CFAP99: variants seen among roughly 807,000 people sequenced by gnomAD.
CFAP99 encodes cilia and flagella associated protein 99.
A neutral mutation model predicts 82.7 loss-of-function variants in CFAP99; 84 were observed. That is an observed-to-expected ratio of 1.02 (90% CI 0.85 to 1.22). CFAP99 has a LOEUF of 1.22. CFAP99 is among the 50% of genes most tolerant of loss of function. The probability of loss-of-function intolerance (pLI) is 0.00; values close to 1 mark genes in which losing one functional copy is unlikely to be tolerated. For synonymous variants in CFAP99, 456 were observed against 429.5 expected, an observed-to-expected ratio of 1.06 and a Z score of -0.76; for missense variants, 1,059 against 983.5, an observed-to-expected ratio of 1.08 and a Z score of -1.03.
chr4:2,462,504 C>A lies in CFAP99; in HGVS notation c.1723C>A (p.Gln575Lys), dbSNP rs1734645332. 4.7e-6 allele frequency: 7 copies of A among 1,478,052 alleles called. No homozygotes were observed. The South Asian group carries it at 5.1e-5, about 11-fold the overall frequency. The allele number at this position is 1,478,052 out of a possible 1,614,324, so 91.6% of individuals were successfully genotyped here. A position where few individuals can be genotyped will look rare whatever the true frequency, so the allele number is the denominator to read the frequency against. ...GGCGCCCTCGCAGGACGAGCGCGTG[C>A]AGCAGCTGCGGCGCAGGATCTCGGA... Residue 575 changes from glutamine to lysine, a missense_variant, in exon 15 of 15, where the codon CAG (glutamine) becomes AAG (lysine). Coordinates refer to ENST00000635017, the Ensembl canonical transcript of CFAP99. The surrounding 1 kb of genome is among the most constrained non-coding windows in gnomAD (Gnocchi z 4.1).
At chr4:2,436,185 T>C (rs1173915340) in intron 2 of CFAP99, among the ~76,000 whole-genome samples, 1 of 152,098 alleles carries the variant, frequency 6.6e-6, no homozygotes, top group Non-Finnish European at 1.5e-5. Flanking sequence ...AGATTCCTTC[T>C]GCTTTGTGAG....
At chr4:2,452,788 C>G (rs1194997716) in intron 11 of CFAP99, among the ~76,000 whole-genome samples, 1 of 152,206 alleles carries the variant, frequency 6.6e-6, no homozygotes, top group African/African-American at 2.4e-5. Flanking sequence ...CCAGGCCAGG[C>G]ATGGTGGCTC....
At chr4:2,450,205 G>A (rs1234960656) in intron 8 of CFAP99, 200 bp downstream of exon 8, 14 of 605,048 alleles carry the variant, frequency 2.3e-5, no homozygotes, top group Non-Finnish European at 3.8e-5. Flanking sequence ...GGGTGTAGAC[G>A]CGCACCCACA....
At chr4:2,443,378 C>G (rs1183163368) in intron 5 of CFAP99, 136 bp downstream of exon 5, 2 of 638,836 alleles carry the variant, frequency 3.1e-6, no homozygotes, top group Non-Finnish European at 5.7e-6. Context: ...ACTCCGTGTT[C>G]GGATGAGATC....
intron 1 of CFAP99, among the ~76,000 whole-genome samples, chr4:2,425,130 T>G (rs529120222): frequency 6.6e-6 from 1 of 152,382 alleles, no homozygotes; most frequent in African/African-American, 2.4e-5. Context: ...GCCCTCTCTT[T>G]TTCTCCAGCC....
chr4:2,456,505 C>T (rs909638157), intron 11 of CFAP99, among the ~76,000 whole-genome samples: 4 of 152,052 alleles, frequency 2.6e-5, no homozygotes, highest in Non-Finnish European at 4.4e-5. Context: ...AGTGAGACCC[C>T]GCGTCTACAA....
In CFAP99 at chr4:2,446,374, A is replaced by G. The variant is rs1205348447; in HGVS notation, c.642+1066A>G. On this transcript the variant is annotated intron_variant, in intron 6 of 14. Transcript: ENST00000635017. The surrounding 1 kb of genome is among the most constrained non-coding windows in gnomAD (Gnocchi z 5.0). ...ATTTCATTTTATTATTGTTGTTATTATTATTATTATTATTATTATTATTAT... is the reference window on the plus strand; with the variant it reads ...ATTTCATTTTATTATTGTTGTTATTGTTATTATTATTATTATTATTATTAT... Among the ~76,000 whole-genome samples the G allele has an allele frequency of 6.7e-3, 43 of 6,404 alleles. 1 individual carries two copies. Among genetic ancestry groups the G allele is most frequent in the Middle Eastern group, 0.062 (1 of 16 alleles). 4.2% of individuals were successfully genotyped at this position (6,404 alleles called of 152,430 possible). A position where few individuals can be genotyped will look rare whatever the true frequency, so the allele number is the denominator to read the frequency against.
At chr4:2,456,032 T>C (rs1222154549) in intron 11 of CFAP99, among the ~76,000 whole-genome samples, 1 of 152,130 alleles carries the variant, frequency 6.6e-6, no homozygotes, top group African/African-American at 2.4e-5. Flanking sequence ...AAGCATCTTT[T>C]CCATTGAGAG....
chr4:2,442,504 G>A (rs1300641201), intron 4 of CFAP99, among the ~76,000 whole-genome samples: 11 of 152,134 alleles, frequency 7.2e-5, no homozygotes, highest in South Asian at 4.1e-4. Context: ...CTGCCTGGCC[G>A]GCACACAGAA....
intron 5 of CFAP99, among the ~76,000 whole-genome samples, 180 bp downstream of exon 5, chr4:2,443,422 CAGCCTCGCGGGG>C (rs1734096589): frequency 6.6e-6 from 1 of 152,240 alleles, no homozygotes; most frequent in South Asian, 2.1e-4. Context: ...GCTGGCCCCA[CAGCCTCGCGGGG>C]AGGAAAAGAC....
intron 2 of CFAP99, among the ~76,000 whole-genome samples, chr4:2,429,969 C>G (rs543305188): frequency 6.6e-6 from 1 of 152,250 alleles, no homozygotes. Flanking sequence ...GGACAACTCG[C>G]TTTCCTCTCC....
In CFAP99 at chr4:2,456,607, C is replaced by T. The variant is rs142461312; in HGVS notation, c.1162-2116C>T. 8.8e-3 allele frequency among the ~76,000 whole-genome samples: 1,347 copies of T among 152,306 alleles called. 24 individuals are homozygous for T. Among genetic ancestry groups the T allele is most frequent in the African/African-American group, 0.031 (1,304 of 41,552 alleles). On this transcript the variant is annotated intron_variant, in intron 11 of 14. Coordinates refer to ENST00000635017, the Ensembl canonical transcript of CFAP99. ...CGATCTCGGCTCACCACAACCTCTG[C>T]CTCCTGGGGTCAAGCTATTCTACTG...
intron 4 of CFAP99, among the ~76,000 whole-genome samples, chr4:2,440,542 A>C (rs1001594562): frequency 2.6e-5 from 4 of 151,904 alleles, no homozygotes. Flanking sequence ...GCTTGAGCCC[A>C]GGAGATCAAG....
intron 2 of CFAP99, among the ~76,000 whole-genome samples, chr4:2,430,523 C>T (rs897597789): frequency 3.4e-5 from 5 of 148,316 alleles, no homozygotes; most frequent in Admixed American, 6.7e-5. Context: ...CGGCAGACTC[C>T]GGACAGCGGA....
At chr4:2,441,094 A>T (rs1327369018) in intron 4 of CFAP99, among the ~76,000 whole-genome samples, 2 of 150,176 alleles carry the variant, frequency 1.3e-5, no homozygotes, top group African/African-American at 4.9e-5. Context: ...TAATAATAAT[A>T]ATTGTTGAGG....
At chr4:2,419,738 T>G (rs914921115) in intron 1 of CFAP99, among the ~76,000 whole-genome samples, 3 of 152,164 alleles carry the variant, frequency 2.0e-5, no homozygotes, top group Admixed American at 6.5e-5. Context: ...CTAGGCGCGC[T>G]GGCATCTAAG....
chr4:2,453,504 G>A (rs888813226), intron 11 of CFAP99, among the ~76,000 whole-genome samples: 2 of 152,168 alleles, frequency 1.3e-5, no homozygotes, highest in South Asian at 2.1e-4. Context: ...TGTGAGAGGG[G>A]TCTGATCCGC....
chr4:2,437,120 T>C, intron 3 of CFAP99, 102 bp downstream of exon 3: 1 of 1,378,256 alleles, frequency 7.3e-7, no homozygotes, highest in Non-Finnish European at 9.8e-7. Flanking sequence ...CGGGGCCAGC[T>C]CCTCCTTCCT....
At chr4:2,420,637 G>T (rs556639478) in intron 1 of CFAP99, among the ~76,000 whole-genome samples, 1 of 152,306 alleles carries the variant, frequency 6.6e-6, no homozygotes, top group African/African-American at 2.4e-5. Context: ...TGGGGTATCA[G>T]TTAGGTTTAG....
Sources: gnomAD v4.1 joint callset for allele counts (sites outside exome capture counted in the v4.1 genomes callset) on GRCh38, gnomAD v4.1.1 for gene constraint, Gnocchi (gnomAD v3.1) non-coding constraint, MANE v1.5 for transcripts, NCBI Gene and HGNC (gene_info 2026-07-23, HGNC 2026-07-21) for gene names.